DAAM1: variants seen among roughly 807,000 people sequenced by gnomAD.
The protein encoded by DAAM1 is disheveled-associated activator of morphogenesis 1.
A neutral mutation model predicts 130.0 loss-of-function variants in DAAM1; 52 were observed. The ratio of observed to expected loss-of-function variants is 0.40; its 90% confidence interval spans 0.32 to 0.50. The LOEUF is 0.50. Ranked by LOEUF, DAAM1 falls within the 20% of genes least tolerant of loss-of-function variation. The pLI, the probability that DAAM1 is intolerant of heterozygous loss-of-function variation, is 0.61. For missense variants in DAAM1, 1,134 were observed against 1,303.8 expected (o/e 0.87, Z 2.01); for synonymous variants, 452 against 444.5 (o/e 1.02, Z -0.21).
At position 59,207,445 on chromosome 14, in the gene DAAM1, A is replaced by G. The variant is rs1459419897; in HGVS notation, c.-38+18677A>G. Among the ~76,000 whole-genome samples, 4 of 152,314 alleles carry G rather than the reference A, an allele frequency of 2.6e-5. No individual in the cohort carries two copies. In the East Asian group the frequency reaches 7.7e-4, roughly 29 times the overall value. On this transcript the variant is annotated intron_variant, in intron 1 of 24. Coordinates refer to ENST00000360909, the MANE Select transcript of DAAM1 (RefSeq NM_001270520.2). ...ACTCTATTAAAAATTGAAGATCCCA[A>G]AGAGATTTTACTGTGTAATATATTT...
chr14:59,221,173 G>A lies in DAAM1; in HGVS notation c.-38+32405G>A, dbSNP rs1216875684. Reference sequence around the variant, plus strand: ...ACTTATCCCTTCTCTGGAAGTGGAGGTGAAGTCCTTGAGTGATGTTTACTC... The same window carrying A: ...ACTTATCCCTTCTCTGGAAGTGGAGATGAAGTCCTTGAGTGATGTTTACTC... On this transcript the variant is annotated intron_variant, in intron 1 of 24. Coordinates refer to ENST00000360909, the MANE Select transcript of DAAM1 (RefSeq NM_001270520.2). Among the ~76,000 whole-genome samples the A allele has an allele frequency of 2.6e-5, 4 of 152,180 alleles. No individual in the cohort carries two copies. The East Asian group carries it at 5.8e-4, about 22-fold the overall frequency.
chr14:59,360,724 G>A (rs767422935), intron 21 of DAAM1, 78 bp from the exon 22 acceptor site: 239 of 1,245,308 alleles, frequency 1.9e-4, no homozygotes, highest in Non-Finnish European at 2.4e-4. Flanking sequence ...ACTTCCAAGC[G>A]TGAAATATTT....
intron 1 of DAAM1, among the ~76,000 whole-genome samples, chr14:59,217,861 C>T (rs994367480): frequency 1.3e-5 from 2 of 152,038 alleles, no homozygotes; most frequent in African/African-American, 4.8e-5. Flanking sequence ...GTGGTGGGCA[C>T]CTGTAGTCCC....
intron 2 of DAAM1, among the ~76,000 whole-genome samples, chr14:59,289,680 G>T (rs1310382409): frequency 6.7e-6 from 1 of 150,210 alleles, no homozygotes; most frequent in African/African-American, 2.5e-5. Context: ...ATATGCACTT[G>T]TATGTTCATT....
At chr14:59,283,157 A>C (rs1472022406) in intron 2 of DAAM1, among the ~76,000 whole-genome samples, 1 of 152,182 alleles carries the variant, frequency 6.6e-6, no homozygotes, top group Non-Finnish European at 1.5e-5. Flanking sequence ...AGTGAAGTAA[A>C]GGATGCACTC....
intron 2 of DAAM1, among the ~76,000 whole-genome samples, chr14:59,277,479 A>G (rs1456955806): frequency 1.3e-5 from 2 of 150,978 alleles, no homozygotes; most frequent in Non-Finnish European, 3.0e-5. Context: ...CTTAATAATA[A>G]AAAAAAATCT....
chr14:59,338,300 G>A (rs1885704419), intron 15 of DAAM1: 1 of 1,354,796 alleles, frequency 7.4e-7, no homozygotes, highest in Admixed American at 1.7e-5. Flanking sequence ...TTCCTTGACT[G>A]CTTTGACTTT....
rs1886937253 is a variant in DAAM1 at position 59,366,909 on chromosome 14, C to T, written c.2827-520C>T. On this transcript the variant is annotated intron_variant, in intron 23 of 24. Coordinates refer to ENST00000360909, the MANE Select transcript of DAAM1 (RefSeq NM_001270520.2). ...ACTCCAACCTGGGTAACATGTAAGACCCCATCTATTAAAAAAAAAAAAAAC... is the reference window on the plus strand; with the variant it reads ...ACTCCAACCTGGGTAACATGTAAGATCCCATCTATTAAAAAAAAAAAAAAC... Among the ~76,000 whole-genome samples, 8 of 130,770 alleles carry T rather than the reference C, an allele frequency of 6.1e-5. No homozygotes were observed. In the South Asian group the frequency reaches 1.0e-3, roughly 16 times the overall value. The allele number at this position is 130,770 out of a possible 152,430, so 85.8% of individuals were successfully genotyped here. A position where few individuals can be genotyped will look rare whatever the true frequency, so the allele number is the denominator to read the frequency against.
At chr14:59,297,333 T>C (rs1479107864) in intron 3 of DAAM1, among the ~76,000 whole-genome samples, 1 of 152,236 alleles carries the variant, frequency 6.6e-6, no homozygotes, top group Non-Finnish European at 1.5e-5. Context: ...GTCCAGAGCT[T>C]GGAACATTCC....
chr14:59,262,653 AGTGTGTGTGT>A (rs5809025), intron 1 of DAAM1, among the ~76,000 whole-genome samples: 21,896 of 140,736 alleles, frequency 0.16, 1,655 homozygotes, highest in East Asian at 0.21. Context: ...ATATTCTATT[AGTGTGTGTGT>A]GTGTGTGTGT....
At chr14:59,318,756 C>T (rs548674077) in intron 4 of DAAM1, among the ~76,000 whole-genome samples, 2 of 152,176 alleles carry the variant, frequency 1.3e-5, no homozygotes, top group South Asian at 2.1e-4. Context: ...GGTTATGTTC[C>T]TTACACAGTA....
Position 59,289,089 on chromosome 14 carries a change from G to A in DAAM1, c.184-2128G>A, listed in dbSNP as rs1432478568. On this transcript the variant is annotated intron_variant, in intron 2 of 24. Coordinates refer to ENST00000360909, the MANE Select transcript of DAAM1 (RefSeq NM_001270520.2). The stretch of plus-strand genomic sequence containing the variant: ...TGCCACCACACCCAGCTAATCTTTT[G>A]TATTTTTAGTAGAGACAGGGTTTCA... 5.3e-5 allele frequency among the ~76,000 whole-genome samples: 8 copies of A among 152,066 alleles called. No individual in the cohort carries two copies. The South Asian group carries it at 1.7e-3, about 32-fold the overall frequency.
chr14:59,314,503 T>C (rs2139604583), intron 3 of DAAM1, among the ~76,000 whole-genome samples: 1 of 152,030 alleles, frequency 6.6e-6, no homozygotes, highest in East Asian at 1.9e-4. Context: ...TTTTGAGATT[T>C]GGCTTCAGGT....
rs748378264 is a variant in DAAM1 at position 59,324,237 on chromosome 14, T to A, written c.884T>A (p.Val295Glu). 2.8e-6 allele frequency: 4 copies of A among 1,426,928 alleles called. No homozygotes were observed. Among genetic ancestry groups the A allele is most frequent in the Non-Finnish European group, 3.7e-6 (4 of 1,086,424 alleles). The allele number at this position is 1,426,928 out of a possible 1,614,324, so 88.4% of individuals were successfully genotyped here. ...GCAGTGCTCAGCCAAGGTGCAGGAG[T>A]GGTAAGAACCTTCTACAAATTAAAA... Reference protein sequence around the residue: ...INAVLSQGAGVESLDFRLHLR... With the variant: ...INAVLSQGAGEESLDFRLHLR... Residue 295 changes from valine (V) to glutamate (E), a missense_variant and splice_region_variant, in exon 7 of 25, where the codon GTG becomes GAG. Val to Glu is a moderately radical substitution (Grantham distance 121). This residue lies in a region of DAAM1 where 391 missense variants were observed against 521.6 expected (regional missense o/e 0.75). Coordinates refer to ENST00000360909, the MANE Select transcript of DAAM1 (RefSeq NM_001270520.2).
chr14:59,331,795 T>A lies in DAAM1; in HGVS notation c.1861-18T>A. 6.2e-7 allele frequency: 1 copy of A among 1,607,520 alleles called. No individual in the cohort carries two copies. Among genetic ancestry groups the A allele is most frequent in the Non-Finnish European group, 8.5e-7 (1 of 1,175,880 alleles). Reference sequence around the variant, plus strand: ...GTATAACTGTAAACTATAGCACTTATTACATTGATGTTTCTAGAACAAACT... The same window carrying A: ...GTATAACTGTAAACTATAGCACTTAATACATTGATGTTTCTAGAACAAACT... On this transcript the variant is annotated intron_variant, in intron 14 of 24. Coordinates refer to ENST00000360909, the MANE Select transcript of DAAM1 (RefSeq NM_001270520.2).
In DAAM1 at chr14:59,327,005, C is replaced by T. The variant is rs773426753; in HGVS notation, c.1372+14C>T. ...AAATGAGAAAAGGTAAATAATGAGG[C>T]CCTGATAAGAGGCTGTGTTATTGGT... On this transcript the variant is annotated intron_variant, in intron 12 of 24. Coordinates refer to ENST00000360909, the MANE Select transcript of DAAM1 (RefSeq NM_001270520.2). The T allele has an allele frequency of 6.2e-7, 1 of 1,613,652 alleles. No individual in the cohort carries two copies. Among genetic ancestry groups the T allele is most frequent in the South Asian group, 1.1e-5 (1 of 91,058 alleles).
chr14:59,276,145 A>G (rs1882958340), intron 2 of DAAM1, among the ~76,000 whole-genome samples: 1 of 152,218 alleles, frequency 6.6e-6, no homozygotes, highest in African/African-American at 2.4e-5. Flanking sequence ...TCTCAGAGTC[A>G]TTGCAGTTAA....
chr14:59,324,819 A>G (rs896423016), intron 8 of DAAM1, among the ~76,000 whole-genome samples: 22 of 152,194 alleles, frequency 1.4e-4, no homozygotes, highest in African/African-American at 5.3e-4. Context: ...TTTTCCAGGA[A>G]TGATGTAAAA....
At chr14:59,300,652 ATTTT>A (rs1021670262) in intron 3 of DAAM1, among the ~76,000 whole-genome samples, 15 of 152,090 alleles carry the variant, frequency 9.9e-5, no homozygotes, top group Admixed American at 8.5e-4. Flanking sequence ...TTCACCTCAG[ATTTT>A]TTTTAAAAAA....
Sources: allele counts gnomAD v4.1 joint callset (sites outside exome capture counted in the v4.1 genomes callset), GRCh38; gene constraint gnomAD v4.1.1; regional missense constraint gnomAD v4.1.1; transcripts MANE v1.5; gene names NCBI Gene and HGNC (gene_info 2026-07-23, HGNC 2026-07-21).